Variants in CASP8 observed in about 807,000 individuals in gnomAD.
The protein encoded by CASP8 is caspase-8.
A neutral mutation model predicts 46.3 loss-of-function variants in CASP8; 24 were observed. The observed-to-expected ratio is 0.52, with a 90% CI of 0.38 to 0.73. The LOEUF is 0.73. CASP8 is among the 30% of genes least tolerant of loss of function. CASP8 has a pLI of 0.00. For missense variants in CASP8, 460 were observed against 559.0 expected (o/e 0.82, Z 1.79); for synonymous variants, 188 against 200.4 (o/e 0.94, Z 0.52).
chr2:201,260,769 A>G (rs1947331580), intron 1 of CASP8, among the ~76,000 whole-genome samples, 156 bp downstream of exon 1: 1 of 152,106 alleles, frequency 6.6e-6, no homozygotes, highest in South Asian at 2.1e-4. Context: ...CCATGAAGTT[A>G]GTGTAAGAGG....
At chr2:201,251,931 T>G (rs946072649) in intron 2 of CASP8, among the ~76,000 whole-genome samples, 2 of 152,002 alleles carry the variant, frequency 1.3e-5, no homozygotes, top group South Asian at 2.1e-4. Context: ...CATGACAAAC[T>G]TCCAGACTTT....
At chr2:201,282,843 A>G (rs1368372198) in intron 7 of CASP8, among the ~76,000 whole-genome samples, 60 of 64,526 alleles carry the variant, frequency 9.3e-4, no homozygotes, top group South Asian at 4.6e-3. Flanking sequence ...TCCCTCCCGG[A>G]CGGGGCGGCT....
chr2:201,274,341 T>C (rs570493354), intron 5 of CASP8, among the ~76,000 whole-genome samples: 32 of 152,318 alleles, frequency 2.1e-4, no homozygotes, highest in African/African-American at 7.5e-4. Context: ...TTATGGCATT[T>C]CTTGGTATGT....
At position 201,253,293 on chromosome 2, in the gene CASP8, C is replaced by CTTTTTTT. The variant is rs34341476; in HGVS notation, c.-26-13144_-26-13138dup. Among the ~76,000 whole-genome samples the CTTTTTTT allele has an allele frequency of 2.5e-4, 17 of 67,962 alleles. 3 individuals are homozygous for CTTTTTTT. The highest frequency in any genetic ancestry group is 4.8e-4 in the East Asian group (1 of 2,104). 44.6% of individuals were successfully genotyped at this position (67,962 alleles called of 152,430 possible). On this transcript the variant is annotated intron_variant, in intron 2 of 6. Coordinates refer to the CASP8 transcript ENST00000264274. Reference sequence around the variant, plus strand: ...TGTGAGCCACTGCACCTAGCCTGATCTTTTTTTTTTTTTTTTTTTTTTTTT... The same window carrying CTTTTTTT: ...TGTGAGCCACTGCACCTAGCCTGATCTTTTTTTTTTTTTTTTTTTTTTTTTTTTTTTT...
At chr2:201,248,599 G>T (rs1028585963) in intron 2 of CASP8, among the ~76,000 whole-genome samples, 7 of 152,100 alleles carry the variant, frequency 4.6e-5, no homozygotes, top group African/African-American at 7.2e-5. Flanking sequence ...TCTAGTGGCC[G>T]CTCTTTTTGT....
chr2:201,264,037 A>AT (rs777545343), intron 1 of CASP8, among the ~76,000 whole-genome samples: 7 of 152,184 alleles, frequency 4.6e-5, no homozygotes, highest in Non-Finnish European at 8.8e-5. Context: ...CTTCCTGTGC[A>AT]TTTTTTGTCA....
chr2:201,244,462 T>C (rs1356912316), intron 2 of CASP8, among the ~76,000 whole-genome samples: 2 of 152,080 alleles, frequency 1.3e-5, no homozygotes, highest in Non-Finnish European at 2.9e-5. Flanking sequence ...GGCGCTCACG[T>C]TGGGGGAATT....
chr2:201,273,121 C>G (rs1398070251), intron 5 of CASP8, among the ~76,000 whole-genome samples, 179 bp downstream of exon 5: 1 of 151,292 alleles, frequency 6.6e-6, no homozygotes, highest in Non-Finnish European at 1.5e-5. Context: ...GCAGTGGCAC[C>G]ATCTCGGCTC....
At chr2:201,268,174 C>T (rs1041234810) in intron 2 of CASP8, among the ~76,000 whole-genome samples, 1 of 152,228 alleles carries the variant, frequency 6.6e-6, no homozygotes, top group African/African-American at 2.4e-5. Flanking sequence ...ATCCACCAGC[C>T]TTGACCTCTC....
At chr2:201,236,606 CAA>C (rs951115999) in intron 2 of CASP8, among the ~76,000 whole-genome samples, 5 of 152,104 alleles carry the variant, frequency 3.3e-5, no homozygotes, top group Admixed American at 6.5e-5. Context: ...TTTTTAGAGA[CAA>C]GAGTTTGGCT....
upstream of CASP8, chr2:201,257,974 T>G (rs1279650578): frequency 1.3e-5 from 6 of 477,532 alleles, no homozygotes; most frequent in Non-Finnish European, 2.3e-5. Context: ...CACATCCCTC[T>G]TCTGAATGGT....
chr2:201,265,276 G>A (rs1447245479), intron 1 of CASP8, among the ~76,000 whole-genome samples: 3 of 151,832 alleles, frequency 2.0e-5, no homozygotes, highest in Non-Finnish European at 2.9e-5. Flanking sequence ...CTAGGAGGCC[G>A]AGGCAGGAGG....
intron 2 of CASP8, chr2:201,269,691 T>C (rs1259245064): frequency 4.5e-6 from 4 of 886,862 alleles, no homozygotes; most frequent in South Asian, 1.4e-5. Context: ...TTCATTATCA[T>C]TGAATACTAG....
At chr2:201,253,544 A>G (rs1425456243) in intron 2 of CASP8, among the ~76,000 whole-genome samples, 3 of 152,048 alleles carry the variant, frequency 2.0e-5, no homozygotes, top group Non-Finnish European at 4.4e-5. Flanking sequence ...CACTGTTATT[A>G]TATCATTAAA....
At position 201,272,729 on chromosome 2, in the gene CASP8, A is replaced by G. The variant is rs757389956; in HGVS notation, c.503A>G (p.Asn168Ser). ...DILKRVCAQI[N>S]KSLLKIINDY... ...CTGAAAAGAGTCTGTGCCCAAATCA[A>G]CAAGAGCCTGCTGAAGATAATCAAC... Residue 168 changes from asparagine to serine, a missense_variant, in exon 4 of 9, where the codon AAC becomes AGC. Physicochemically the swap from Asn to Ser is conservative, Grantham distance 46. Coordinates refer to ENST00000673742, the MANE Select transcript of CASP8 (RefSeq NM_001372051.1). This position sits in a 1 kb window ranked among gnomAD's most constrained non-coding sequence, Gnocchi z 4.4. 4 of 1,614,200 alleles carry G rather than the reference A, an allele frequency of 2.5e-6. No individual in the cohort carries two copies. Among genetic ancestry groups the G allele is most frequent in the East Asian group, 2.2e-5 (1 of 44,880 alleles).
At chr2:201,276,543 G>A (rs148985191) in intron 6 of CASP8, among the ~76,000 whole-genome samples, 1 of 152,346 alleles carries the variant, frequency 6.6e-6, no homozygotes, top group East Asian at 1.9e-4. Context: ...AGTATGGGAA[G>A]CAGAAATGAG....
At chr2:201,279,006 G>C (rs1169091426) in intron 7 of CASP8, among the ~76,000 whole-genome samples, 3 of 152,152 alleles carry the variant, frequency 2.0e-5, no homozygotes, top group Non-Finnish European at 4.4e-5. Flanking sequence ...AAGAGTCGAG[G>C]TAATTGACTT....
chr2:201,254,757 C>T (rs1277245485), intron 2 of CASP8, among the ~76,000 whole-genome samples: 1 of 152,164 alleles, frequency 6.6e-6, no homozygotes, highest in Non-Finnish European at 1.5e-5. Flanking sequence ...GTAGGAGACA[C>T]AGTAGTCTCA....
At chr2:201,264,892 T>C (rs1947686495) in intron 1 of CASP8, among the ~76,000 whole-genome samples, 1 of 152,186 alleles carries the variant, frequency 6.6e-6, no homozygotes. Flanking sequence ...AGAGCTTCCA[T>C]TCTAGTGAGA....
Sources: allele counts gnomAD v4.1 joint callset (sites outside exome capture counted in the v4.1 genomes callset), GRCh38; gene constraint gnomAD v4.1.1; non-coding constraint Gnocchi (gnomAD v3.1); transcripts MANE v1.5; gene names NCBI Gene and HGNC (gene_info 2026-07-23, HGNC 2026-07-21).